The following LMAN1L variants were observed in gnomAD, a reference collection of about 807,000 sequenced individuals.
LMAN1L encodes the protein lectin, mannose binding 1 like, also known as protein ERGIC-53-like.
LMAN1L carries 60 observed loss-of-function variants against 58.3 expected under a neutral mutation model. The observed-to-expected ratio is 1.03, with a 90% CI of 0.84 to 1.27. LMAN1L has a LOEUF of 1.27. Among genes scored for constraint, LMAN1L ranks in the 50% most tolerant of loss-of-function variants. The pLI is 0.00. For synonymous variants in LMAN1L, 280 were observed against 271.6 expected (o/e 1.03, Z -0.31); for missense variants, 629 against 674.0 (o/e 0.93, Z 0.74).
rs1300924566 is a variant in LMAN1L, at chr15:74,816,208, G to A, written c.227G>A (p.Arg76Gln). 36 of 1,569,246 alleles carry A rather than the reference G, an allele frequency of 2.3e-5. No homozygotes were observed. The highest frequency in any genetic ancestry group is 3.5e-5 in the South Asian group (3 of 86,066). The change falls in exon 2 of 14, where the codon CGG becomes CAG. Residue 76 changes from arginine to glutamine, a missense_variant. Coordinates refer to ENST00000309664, the MANE Select transcript of LMAN1L (RefSeq NM_021819.3). Reference protein sequence around the residue: ...EVRLTPSMRNRSGAVWSRASV... With the variant: ...EVRLTPSMRNQSGAVWSRASV... ...CGGCTGACGCCATCCATGAGGAACC[G>A]GAGTGGCGCCGTGTGGAGCAGGGCC...
intron 7 of LMAN1L, 114 bp from the exon 8 acceptor site, chr15:74,820,521 G>A: frequency 1.4e-6 from 2 of 1,380,362 alleles, no homozygotes; most frequent in East Asian, 2.3e-5. Flanking sequence ...GGAAACTGCA[G>A]GGCCAGCTGG....
At chr15:74,819,903 A>G (rs2063908822) in intron 6 of LMAN1L, 141 bp from the exon 7 acceptor site, 1 of 773,160 alleles carries the variant, frequency 1.3e-6, no homozygotes, top group South Asian at 1.5e-5. Context: ...TTTCCTAGGA[A>G]GTAAGCAAGA....
At chr15:74,825,333 C>A (rs1026457826) in intron 13 of LMAN1L, 143 bp from the exon 14 acceptor site, 4 of 844,446 alleles carry the variant, frequency 4.7e-6, no homozygotes, top group South Asian at 1.7e-5. Flanking sequence ...CCATATGCAG[C>A]GGGCCAAAGG....
chr15:74,819,378 T>C (rs1479163644), intron 6 of LMAN1L, 106 bp downstream of exon 6: 1 of 1,412,710 alleles, frequency 7.1e-7, no homozygotes, highest in Middle Eastern at 1.8e-4. Flanking sequence ...CTTCACCACA[T>C]GACCTGGGCT....
chr15:74,824,507 A>T, intron 13 of LMAN1L, 29 bp downstream of exon 13: 1 of 1,613,252 alleles, frequency 6.2e-7, no homozygotes, highest in Non-Finnish European at 8.5e-7. Context: ...AGGATTTCCC[A>T]CAGCACTGGC....
chr15:74,819,266 C>T lies in LMAN1L; in HGVS notation c.712C>T (p.Leu238=), dbSNP rs544847793. Residue 238 remains leucine (L), a synonymous_variant, in exon 6 of 14, where the codon CTG becomes TTG. Coordinates refer to ENST00000309664, the MANE Select transcript of LMAN1L (RefSeq NM_021819.3). The part of the protein sequence containing the change: ...FFGVSAATGT[L]ADDHDVLSFL... Reference sequence around the variant, plus strand: ...TGGGGTCTCAGCAGCCACCGGCACCCTGGCAGGTGAGGATCCCACTGGACA... The same window carrying T: ...TGGGGTCTCAGCAGCCACCGGCACCTTGGCAGGTGAGGATCCCACTGGACA... The T allele has an allele frequency of 5.6e-6, 9 of 1,614,116 alleles. No homozygotes were observed. In the East Asian group the frequency reaches 2.0e-4, roughly 36 times the overall value.
intron 5 of LMAN1L, 54 bp downstream of exon 5, chr15:74,818,871 G>A (rs1210003051): frequency 5.4e-6 from 8 of 1,480,208 alleles, no homozygotes; most frequent in Non-Finnish European, 5.5e-6. Flanking sequence ...GCTGCTATGT[G>A]TGCGTGCCCA....
chr15:74,821,986 T>C, intron 10 of LMAN1L, 86 bp downstream of exon 10: 2 of 878,190 alleles, frequency 2.3e-6, no homozygotes, highest in Non-Finnish European at 1.9e-6. Flanking sequence ...AGGACTGGGC[T>C]GGGCCTCTGC....
intron 6 of LMAN1L, 61 bp from the exon 7 acceptor site, chr15:74,819,983 G>A: frequency 1.3e-6 from 2 of 1,497,792 alleles, no homozygotes; most frequent in African/African-American, 1.4e-5. Flanking sequence ...TAGGGTGAAG[G>A]CTGAGCGAGG....
chr15:74,820,427 C>G (rs1487060406), intron 7 of LMAN1L: 7 of 692,556 alleles, frequency 1.0e-5, no homozygotes, highest in Admixed American at 1.0e-4. Flanking sequence ...CTTAAAGGAG[C>G]CTCGGACCAG....
intron 1 of LMAN1L, among the ~76,000 whole-genome samples, chr15:74,813,651 G>C (rs753681423): frequency 6.6e-6 from 1 of 152,258 alleles, no homozygotes; most frequent in Non-Finnish European, 1.5e-5. Context: ...CTACACGATA[G>C]AGGGAGTGAG....
chr15:74,824,370 C>G lies in LMAN1L; in HGVS notation c.1343C>G (p.Pro448Arg). Residue 448 changes from proline to arginine, a missense_variant, in exon 13 of 14, where the codon CCC becomes CGC. Pro to Arg is a moderately radical substitution (Grantham distance 103). Coordinates refer to ENST00000309664, the MANE Select transcript of LMAN1L (RefSeq NM_021819.3). Reference sequence around the variant, plus strand: ...TTTCAGAAGGCAGCAGCCAAGGCCCCCCGCCCACCTGGCCAGCCCCCAAGG... The same window carrying G: ...TTTCAGAAGGCAGCAGCCAAGGCCCGCCGCCCACCTGGCCAGCCCCCAAGG... ...RGPAKAAAKA[P>R]RPPGQPPRAS... 2 of 1,613,982 alleles carry G rather than the reference C, an allele frequency of 1.2e-6. No homozygotes were observed. Among genetic ancestry groups the G allele is most frequent in the Non-Finnish European group, 1.7e-6 (2 of 1,179,900 alleles).
chr15:74,817,617 C>T (rs1167275806), intron 4 of LMAN1L, among the ~76,000 whole-genome samples: 2 of 152,226 alleles, frequency 1.3e-5, no homozygotes, highest in East Asian at 3.8e-4. Context: ...GCTGCCGGGA[C>T]ATGTCCAGGT....
rs1217449369 is a variant in LMAN1L at position 74,816,678 on chromosome 15, C to A, written c.485C>A (p.Ser162Tyr). The A allele has an allele frequency of 6.2e-7, 1 of 1,613,888 alleles. No individual in the cohort carries two copies. ...CTGGCCAGCGACGGGCACATCCCCT[C>A]TGAGCAGCCTGGGTAAGGGCCTGTC... ...RVLASDGHIP[S>Y]EQPGDGASQG... is the part of the protein sequence containing the mutation. The change falls in exon 4 of 14, where the codon TCT (serine) becomes TAT (tyrosine). Residue 162 changes from serine to tyrosine, a missense_variant. Physicochemically the swap from Ser to Tyr is moderately radical, Grantham distance 144 (BLOSUM62 -2). Around this residue, in one of 3 missense-constraint regions of LMAN1L, gnomAD observed 573 missense variants for 597.3 expected, o/e 0.96. Coordinates refer to ENST00000309664, the MANE Select transcript of LMAN1L (RefSeq NM_021819.3).
chr15:74,821,154 G>A lies in LMAN1L; in HGVS notation c.987G>A (p.Gln329=). The A allele has an allele frequency of 6.4e-7, 1 of 1,554,014 alleles. No homozygotes were observed. Among genetic ancestry groups the A allele is most frequent in the Non-Finnish European group, 8.7e-7 (1 of 1,148,922 alleles). ...AGGCTCTGCGGGGTCTCTCCAAGCA[G>A]CTGGCCCAGGCTGAGAGACAATGGA... The part of the protein sequence containing the change: ...ILQALRGLSK[Q]LAQAERQWKK... Residue 329 remains glutamine (Q), a synonymous_variant, in exon 9 of 14, where the codon CAG becomes CAA. Coordinates refer to ENST00000309664, the MANE Select transcript of LMAN1L (RefSeq NM_021819.3).
At chr15:74,816,127 G>A (rs1418810288) in intron 1 of LMAN1L, 30 bp from the exon 2 acceptor site, 2 of 1,538,536 alleles carry the variant, frequency 1.3e-6, no homozygotes, top group South Asian at 1.2e-5. Context: ...GTGTAGTGGA[G>A]CCTGGGGCTT....
chr15:74,824,559 G>A (rs2141118354), intron 13 of LMAN1L, 81 bp downstream of exon 13: 2 of 1,516,796 alleles, frequency 1.3e-6, no homozygotes, highest in East Asian at 4.5e-5. Flanking sequence ...TTAGGAGAGG[G>A]GACACTTCAG....
rs1567223620 is a variant in LMAN1L, at chr15:74,816,645, TC to T, written c.454del (p.Arg152ValfsTer51). The T allele has an allele frequency of 6.2e-6, 10 of 1,613,834 alleles. No homozygotes were observed. Among genetic ancestry groups the T allele is most frequent in the African/African-American group, 1.3e-5 (1 of 75,012 alleles). ...PAEDTQDSPAIRVLASDGHIP... is the reference protein window; with the variant it reads ...PAEDTQDSPAXRVLASDGHIP... ...ACCTCCCTGCAGGACAGTCCTGCCA[TC>T]CGTGTGCTGGCCAGCGACGGGCACA... On this transcript the variant is annotated frameshift_variant, in exon 4 of 14. Coordinates refer to ENST00000309664, the MANE Select transcript of LMAN1L (RefSeq NM_021819.3). LOFTEE classifies it high-confidence loss of function.
In LMAN1L at chr15:74,825,573, A is replaced by T. The variant is rs2063938156; in HGVS notation, c.1549A>T (p.Arg517Trp). 1 of 1,612,882 alleles carries T rather than the reference A, an allele frequency of 6.2e-7. No homozygotes were observed. The highest frequency in any genetic ancestry group is 2.2e-5 in the East Asian group (1 of 44,838). Reference protein sequence around the residue: ...HTPRALGILRRQPLPASMPA With the variant: ...HTPRALGILRWQPLPASMPA ...CCCCAGGGCCCTGGGGATTCTGAGG[A>T]GGCAGCCTCTCCCTGCCAGCATGCC... The change falls in exon 14 of 14, where the codon AGG becomes TGG. Residue 517 changes from arginine to tryptophan, a missense_variant. Physicochemically the swap from Arg to Trp is moderately radical, Grantham distance 101. Around this residue, in one of 3 missense-constraint regions of LMAN1L, gnomAD observed 53 missense variants for 59.7 expected, o/e 0.89. Transcript: ENST00000309664.
Sources: allele counts gnomAD v4.1 joint callset (sites outside exome capture counted in the v4.1 genomes callset), GRCh38; gene constraint gnomAD v4.1.1; regional missense constraint gnomAD v4.1.1; transcripts MANE v1.5; gene names NCBI Gene and HGNC (gene_info 2026-07-23, HGNC 2026-07-21).